The following MAF variants were observed in gnomAD, a reference collection of about 807,000 sequenced individuals.
The protein encoded by MAF is transcription factor Maf.
A neutral mutation model predicts 22.0 loss-of-function variants in MAF; 10 were observed. That is an observed-to-expected ratio of 0.45 (90% CI 0.28 to 0.77). The LOEUF is 0.77. MAF is among the 30% of genes least tolerant of loss of function. MAF has a pLI of 0.12. For synonymous variants in MAF, 337 were observed against 255.8 expected, an observed-to-expected ratio of 1.32 and a Z score of -3.03; for missense variants, 544 against 548.4, an observed-to-expected ratio of 0.99 and a Z score of 0.08.
the MAF span, chr16:79,505,557 A>T: frequency 6.6e-6 from 1 of 152,288 alleles, no homozygotes; most frequent in African/African-American, 2.4e-5. Flanking sequence ...TAGCACTAAG[A>T]CAAACAGCCA....
At chr16:79,204,809 A>C in the MAF span, 3 of 152,160 alleles carry the variant, frequency 2.0e-5, no homozygotes, top group African/African-American at 7.2e-5. Flanking sequence ...AAGTTTTAGG[A>C]AAGAATTCTT....
the MAF span, among the ~76,000 whole-genome samples, chr16:79,443,644 G>A: frequency 2.6e-5 from 4 of 152,202 alleles, no homozygotes; most frequent in African/African-American, 7.2e-5. Context: ...AGGAGCAAAT[G>A]CAGAGATTGG....
chr16:79,594,828 A>G, intron 1 of MAF: 1 of 1,248,656 alleles, frequency 8.0e-7, no homozygotes, highest in South Asian at 2.0e-5. Context: ...CCAGCCACTC[A>G]AACCTCATTT....
At chr16:79,299,842 A>T in the MAF span, among the ~76,000 whole-genome samples, 1 of 152,200 alleles carries the variant, frequency 6.6e-6, no homozygotes, top group Non-Finnish European at 1.5e-5. Context: ...ATGATTATTT[A>T]AAAGGCTTTA....
chr16:79,348,063 T>G, the MAF span, among the ~76,000 whole-genome samples: 2 of 152,250 alleles, frequency 1.3e-5, no homozygotes, highest in African/African-American at 4.8e-5. Context: ...AGCGTCAACA[T>G]TAGTGTGACC....
chr16:79,415,199 A>G, the MAF span, among the ~76,000 whole-genome samples: 6 of 146,630 alleles, frequency 4.1e-5, no homozygotes, highest in Non-Finnish European at 9.1e-5. Context: ...TTGTTAGTTC[A>G]TTAGCACTTA....
chr16:79,230,181 C>G, the MAF span, among the ~76,000 whole-genome samples: 5 of 152,088 alleles, frequency 3.3e-5, no homozygotes, highest in Non-Finnish European at 5.9e-5. Flanking sequence ...AGTTAACTTT[C>G]TGGAGTTGAA....
the MAF span, among the ~76,000 whole-genome samples, chr16:79,557,147 A>C: frequency 6.8e-6 from 1 of 146,662 alleles, no homozygotes; most frequent in East Asian, 2.0e-4. Flanking sequence ...CACTCCTTTC[A>C]ACAGACTTCA....
chr16:79,361,899 G>A, the MAF span, among the ~76,000 whole-genome samples: 7 of 152,318 alleles, frequency 4.6e-5, no homozygotes, highest in Admixed American at 1.3e-4. Context: ...CAGACAGAAC[G>A]TTTGTCCTGC....
chr16:79,480,313 G>A, the MAF span, among the ~76,000 whole-genome samples: 1 of 138,592 alleles, frequency 7.2e-6, no homozygotes, highest in Non-Finnish European at 1.6e-5. Flanking sequence ...ATTCTCAGCT[G>A]AGTTGAAATA....
chr16:79,395,673 G>A, the MAF span, among the ~76,000 whole-genome samples: 75 of 152,320 alleles, frequency 4.9e-4, no homozygotes, highest in Non-Finnish European at 1.0e-3. Flanking sequence ...CTTTCCTGGA[G>A]TTCCTTCAGA....
At chr16:79,227,870 C>T in the MAF span, among the ~76,000 whole-genome samples, 5 of 151,916 alleles carry the variant, frequency 3.3e-5, no homozygotes, top group South Asian at 6.2e-4. Flanking sequence ...TGGGTGTAGA[C>T]CACAACTTCT....
At chr16:79,488,631 A>C in the MAF span, among the ~76,000 whole-genome samples, 1 of 152,124 alleles carries the variant, frequency 6.6e-6, no homozygotes. Flanking sequence ...TATTATTACC[A>C]TTATTAGAGA....
chr16:79,270,900 G>GTA, the MAF span, among the ~76,000 whole-genome samples: 1 of 144,374 alleles, frequency 6.9e-6, no homozygotes, highest in Non-Finnish European at 1.5e-5. Context: ...CATGGCCAGA[G>GTA]TTTTTTTTTT....
the MAF span, among the ~76,000 whole-genome samples, chr16:79,390,910 TC>T: frequency 2.6e-5 from 4 of 152,168 alleles, no homozygotes; most frequent in Non-Finnish European, 4.4e-5. Context: ...CCATCTGCTT[TC>T]CCTGAGATGC....
chr16:79,558,984 A>T, the MAF span, among the ~76,000 whole-genome samples: 1 of 152,238 alleles, frequency 6.6e-6, no homozygotes, highest in Non-Finnish European at 1.5e-5. Context: ...GAACCAACAG[A>T]AACACTACAA....
chr16:79,264,125 A>G, the MAF span, among the ~76,000 whole-genome samples: 3 of 152,176 alleles, frequency 2.0e-5, no homozygotes, highest in Non-Finnish European at 4.4e-5. Context: ...GAGGCAGAAT[A>G]GGAAGTGGAA....
chr16:79,470,952 CT>C, the MAF span, among the ~76,000 whole-genome samples: 1 of 152,216 alleles, frequency 6.6e-6, no homozygotes, highest in Non-Finnish European at 1.5e-5. Context: ...AATAAAGTAT[CT>C]TATATAATGC....
the MAF span, among the ~76,000 whole-genome samples, chr16:79,378,975 G>C: frequency 6.6e-5 from 10 of 152,200 alleles, no homozygotes; most frequent in African/African-American, 2.2e-4. Flanking sequence ...TTGGATTAGA[G>C]TAAAATTAAA....
Sources: allele counts gnomAD v4.1 joint callset (sites outside exome capture counted in the v4.1 genomes callset), GRCh38; gene constraint gnomAD v4.1.1; transcripts MANE v1.5; gene names NCBI Gene and HGNC (gene_info 2026-07-23, HGNC 2026-07-21).